AIF1L: variants seen among roughly 807,000 people sequenced by gnomAD.
AIF1L encodes allograft inflammatory factor 1-like.
A neutral mutation model predicts 20.7 loss-of-function variants in AIF1L; 12 were observed. The ratio of observed to expected loss-of-function variants is 0.58; its 90% CI spans 0.37 to 0.94. The LOEUF is 0.94. Ranked by LOEUF, AIF1L falls within the 40% of genes least tolerant of loss-of-function variation. The pLI is 0.01. For synonymous variants in AIF1L, 76 were observed against 65.1 expected, an observed-to-expected ratio of 1.17 and a Z score of -0.81; for missense variants, 173 against 185.3, an observed-to-expected ratio of 0.93 and a Z score of 0.39.
At chr9:131,109,281 G>A (rs1333148792) in intron 2 of AIF1L, among the ~76,000 whole-genome samples, 1 of 152,080 alleles carries the variant, frequency 6.6e-6, no homozygotes, top group African/African-American at 2.4e-5. Context: ...TCCACTGGCC[G>A]GGCTCAGTGG....
chr9:131,120,407 C>A lies in AIF1L; in HGVS notation c.*85C>A. The stretch of plus-strand genomic sequence containing the variant: ...CTTCTTGACACACTGTGATCTCTCT[C>A]TCTCTCATTTGTTTGGTCATTGAGG... On this transcript the variant is annotated 3_prime_UTR_variant, in exon 6 of 6. Transcript: ENST00000247291. The A allele has an allele frequency of 9.0e-7, 1 of 1,109,306 alleles. No homozygotes were observed. The highest frequency in any genetic ancestry group is 1.3e-6 in the Non-Finnish European group (1 of 775,306). 68.7% of individuals were successfully genotyped at this position (1,109,306 alleles called of 1,614,324 possible). A position where few individuals can be genotyped will look rare whatever the true frequency, so the allele number is the denominator to read the frequency against.
chr9:131,102,706 G>C (rs1025020611), intron 2 of AIF1L, among the ~76,000 whole-genome samples: 2 of 152,230 alleles, frequency 1.3e-5, no homozygotes, highest in South Asian at 2.1e-4. Context: ...ATGTGAACCC[G>C]CTGTCCTTGT....
At chr9:131,108,302 T>G (rs1830798346) in intron 2 of AIF1L, 1 of 147,614 alleles carries the variant, frequency 6.8e-6, no homozygotes, top group African/African-American at 2.5e-5. Flanking sequence ...CAGGTGCAAG[T>G]GATTCTCCTG....
chr9:131,098,621 G>A (rs1244271316), intron 2 of AIF1L, among the ~76,000 whole-genome samples: 1 of 151,994 alleles, frequency 6.6e-6, no homozygotes, highest in Non-Finnish European at 1.5e-5. Context: ...AGCCCTTGGG[G>A]AGGTGGGTTG....
intron 2 of AIF1L, 146 bp downstream of exon 2, chr9:131,097,009 C>T (rs1158715219): frequency 3.2e-6 from 3 of 935,528 alleles, no homozygotes; most frequent in Admixed American, 4.2e-5. Flanking sequence ...TCCCTCCGCC[C>T]CCAGCCCCGT....
chr9:131,118,420 T>TA (rs1831062386), intron 5 of AIF1L, among the ~76,000 whole-genome samples: 1 of 151,524 alleles, frequency 6.6e-6, no homozygotes, highest in Non-Finnish European at 1.5e-5. Flanking sequence ...ATGTACCCTG[T>TA]AGGGGAAATT....
rs370861362 is a variant in AIF1L at position 131,111,955 on chromosome 9, C to T, written c.160+292C>T. 98 of 449,978 alleles carry T rather than the reference C, an allele frequency of 2.2e-4. 2 individuals carry two copies. Among genetic ancestry groups the T allele is most frequent in the East Asian group, 1.2e-3 (28 of 24,288 alleles). The allele number at this position is 449,978 out of a possible 1,614,324, so 27.9% of individuals were successfully genotyped here. ...CACGGGGCTCAGGCTGGTTCCCGTC[C>T]GCCGCTGCCCAGGCCCCGTCACTCC... On this transcript the variant is annotated intron_variant, in intron 3 of 5. Coordinates refer to ENST00000247291, the MANE Select transcript of AIF1L (RefSeq NM_031426.4).
rs1453529021 is a variant in AIF1L at position 131,096,553 on chromosome 9, G to A, written c.-77G>A. The A allele has an allele frequency of 5.5e-6, 8 of 1,466,806 alleles. No homozygotes were observed. The East Asian group carries it at 8.9e-5, about 16-fold the overall frequency. 90.9% of individuals were successfully genotyped at this position (1,466,806 alleles called of 1,614,324 possible). The stretch of plus-strand genomic sequence containing the variant: ...GCCACACGCAGCTAGCCGGAGCCCG[G>A]ACCAGGCGCCTGTGCCTCCTCCTCG... On this transcript the variant is annotated 5_prime_UTR_variant, in exon 1 of 6. Transcript: ENST00000247291.
At position 131,120,308 on chromosome 9, in the gene AIF1L, G is replaced by A. The variant is rs1475374495; in HGVS notation, c.439G>A (p.Ala147Thr). Residue 147 changes from alanine to threonine, a missense_variant, in exon 6 of 6, where the codon GCT (alanine) becomes ACT (threonine). Coordinates refer to ENST00000247291, the MANE Select transcript of AIF1L (RefSeq NM_031426.4). Reference sequence around the variant, plus strand: ...TGGCCCCCCTCCAGAGAGAGACATTGCTAGCCTGCCCTGAGGACCCCGCCT... The same window carrying A: ...TGGCCCCCCTCCAGAGAGAGACATTACTAGCCTGCCCTGAGGACCCCGCCT... ...PVGPPPERDI[A>T]SLP is the part of the protein sequence containing the mutation. 6.2e-7 allele frequency: 1 copy of A among 1,613,358 alleles called. No homozygotes were observed. The highest frequency in any genetic ancestry group is 2.2e-5 in the East Asian group (1 of 44,820).
intron 2 of AIF1L, chr9:131,106,158 G>C: frequency 6.5e-7 from 1 of 1,527,556 alleles, no homozygotes; most frequent in South Asian, 1.2e-5. Flanking sequence ...CCTCCTCCGA[G>C]CTGCCTCCTG....
At chr9:131,102,776 C>T (rs545591833) in intron 2 of AIF1L, 4 of 401,534 alleles carry the variant, frequency 1.0e-5, no homozygotes, top group African/African-American at 6.2e-5. Flanking sequence ...TGGCCTGGCC[C>T]TGGCCCTTTA....
rs565966914 is a variant in AIF1L, at chr9:131,113,249, G to A, written c.161-1328G>A. On this transcript the variant is annotated intron_variant, in intron 3 of 5. Transcript: ENST00000247291. ...ACGGTGGCTCACACCTGTAATCCCA[G>A]CACTTTGGGAGGCCGAGGTGGGTGG... Among the ~76,000 whole-genome samples the A allele has an allele frequency of 7.2e-5, 11 of 151,974 alleles. No individual in the cohort carries two copies. The South Asian group carries it at 2.1e-3, about 29-fold the overall frequency.
chr9:131,106,369 T>G lies in AIF1L; in HGVS notation c.94-5228T>G, dbSNP rs913997547. On this transcript the variant is annotated intron_variant, in intron 2 of 5. Transcript: ENST00000247291. ...ATTCTAGCCGGGGAGGCAGAGAGGG[T>G]GTAGTAACCTCAGTAAGCAGTGGCA... 11 of 839,956 alleles carry G rather than the reference T, an allele frequency of 1.3e-5. No homozygotes were observed. The African/African-American group carries it at 1.7e-4, about 13-fold the overall frequency. 52.0% of individuals were successfully genotyped at this position (839,956 alleles called of 1,614,324 possible). A position where few individuals can be genotyped will look rare whatever the true frequency, so the allele number is the denominator to read the frequency against.
At chr9:131,106,354 G>A (rs1441869076) in intron 2 of AIF1L, 2 of 985,656 alleles carry the variant, frequency 2.0e-6, no homozygotes, top group East Asian at 2.6e-5. Flanking sequence ...ATTCTAGCCG[G>A]GGAGGCAGAG....
intron 3 of AIF1L, chr9:131,112,165 C>T (rs1324741366): frequency 3.2e-5 from 5 of 157,628 alleles, no homozygotes; most frequent in Admixed American, 1.2e-4. Flanking sequence ...TGGGAGCCGG[C>T]GCGGGGAGAG....
chr9:131,099,526 C>G (rs1830593869), intron 2 of AIF1L, among the ~76,000 whole-genome samples: 1 of 152,190 alleles, frequency 6.6e-6, no homozygotes, highest in African/African-American at 2.4e-5. Flanking sequence ...TTCTGGGGGC[C>G]TGGGCTAAGC....
intron 2 of AIF1L, among the ~76,000 whole-genome samples, chr9:131,110,028 A>G (rs1440902571): frequency 1.3e-5 from 2 of 152,090 alleles, no homozygotes; most frequent in Admixed American, 1.3e-4. Context: ...TGGGCAACAG[A>G]GTGAAACCCT....
chr9:131,097,772 A>C (rs775548026), intron 2 of AIF1L, among the ~76,000 whole-genome samples: 1 of 152,222 alleles, frequency 6.6e-6, no homozygotes, highest in Non-Finnish European at 1.5e-5. Flanking sequence ...TGTGGTCCTC[A>C]GCAAAGGGCC....
At chr9:131,105,233 T>A (rs1012226679) in intron 2 of AIF1L, among the ~76,000 whole-genome samples, 9 of 152,060 alleles carry the variant, frequency 5.9e-5, no homozygotes, top group African/African-American at 1.9e-4. Context: ...CCCGCCGGGC[T>A]CCCCCATCCC....
Sources: gnomAD v4.1 joint callset for allele counts (sites outside exome capture counted in the v4.1 genomes callset) on GRCh38, gnomAD v4.1.1 for gene constraint, MANE v1.5 for transcripts, NCBI Gene and HGNC (gene_info 2026-07-23, HGNC 2026-07-21) for gene names.